TP53BP1: variants seen among roughly 807,000 people sequenced by gnomAD.
TP53BP1 encodes TP53-binding protein 1.
Under a neutral mutation model 200.8 loss-of-function variants are expected in TP53BP1, and 61 were observed. The ratio of observed to expected loss-of-function variants is 0.30; its 90% confidence interval spans 0.25 to 0.38. TP53BP1 has a LOEUF of 0.38. Among genes scored for constraint, TP53BP1 ranks in the 10% least tolerant of loss-of-function variants. TP53BP1 has a pLI of 1.00. For synonymous variants in TP53BP1, 822 were observed against 844.3 expected (o/e 0.97, Z 0.46); for missense variants, 2,144 against 2,371.9 (o/e 0.90, Z 2.00).
chr15:43,495,614 G>A (rs981394592), upstream of TP53BP1, among the ~76,000 whole-genome samples: 2 of 151,852 alleles, frequency 1.3e-5, no homozygotes, highest in African/African-American at 2.4e-5. Context: ...TCAGGAGATC[G>A]AGACCATCCT....
intron 5 of TP53BP1, among the ~76,000 whole-genome samples, chr15:43,480,458 A>C (rs2078947987): frequency 1.3e-5 from 2 of 152,210 alleles, no homozygotes; most frequent in Non-Finnish European, 2.9e-5. Context: ...AAAAAAATAA[A>C]AAATAAATTT....
In TP53BP1 at chr15:43,407,381, C is replaced by CT. The variant is rs760919974; in HGVS notation, c.*1dup. 1 of 1,613,906 alleles carries CT rather than the reference C, an allele frequency of 6.2e-7. No individual in the cohort carries two copies. Among genetic ancestry groups the CT allele is most frequent in the East Asian group, 2.2e-5 (1 of 44,884 alleles). ...GAATAAAACCAGTAAGACCAAGTATCTTTAGTGAGAAACATAATCGTGTTT... is the reference window on the plus strand; with the variant it reads ...GAATAAAACCAGTAAGACCAAGTATCTTTTAGTGAGAAACATAATCGTGTTT... On this transcript the variant is annotated 3_prime_UTR_variant, in exon 28 of 28. Transcript: ENST00000382044.
At chr15:43,498,365 A>C (rs1025574214) in intron 1 of TP53BP1, among the ~76,000 whole-genome samples, 3 of 152,254 alleles carry the variant, frequency 2.0e-5, no homozygotes, top group Non-Finnish European at 4.4e-5. Context: ...TATACCAGTA[A>C]GGGAACAAAA....
intron 23 of TP53BP1, among the ~76,000 whole-genome samples, chr15:43,415,014 C>G (rs1232428206): frequency 1.3e-5 from 2 of 151,794 alleles, no homozygotes; most frequent in Non-Finnish European, 2.9e-5. Flanking sequence ...AGCCATGTTT[C>G]AATAGGAAGT....
chr15:43,447,693 A>T (rs1209451475), intron 12 of TP53BP1, among the ~76,000 whole-genome samples: 1 of 152,090 alleles, frequency 6.6e-6, no homozygotes, highest in Non-Finnish European at 1.5e-5. Flanking sequence ...CACAGCCAAC[A>T]ACTATAGTAC....
chr15:43,426,769 T>G (rs901841259), intron 18 of TP53BP1, among the ~76,000 whole-genome samples: 1 of 151,576 alleles, frequency 6.6e-6, no homozygotes, highest in African/African-American at 2.4e-5. Context: ...TCCCAGCACT[T>G]TGGGAGGCCG....
intron 3 of TP53BP1, 67 bp from the exon 4 acceptor site, chr15:43,491,820 A>C: frequency 7.6e-7 from 1 of 1,309,952 alleles, no homozygotes; most frequent in Non-Finnish European, 1.1e-6. Flanking sequence ...AAAATCAGGA[A>C]TACAGACAAT....
chr15:43,469,049 AAG>A (rs1566953340), intron 11 of TP53BP1, among the ~76,000 whole-genome samples: 1 of 152,202 alleles, frequency 6.6e-6, no homozygotes, highest in Non-Finnish European at 1.5e-5. Flanking sequence ...TGCAAACTGA[AAG>A]GGGTAAAATA....
Position 43,407,103 on chromosome 15 carries a change from G to T in TP53BP1, c.*280C>A. On this transcript the variant is annotated 3_prime_UTR_variant, in exon 28 of 28. Coordinates refer to ENST00000382044, the MANE Select transcript of TP53BP1 (RefSeq NM_001141980.3). ...TCACTCTTAACTTTTCAATTTCCTT[G>T]GCCAGCTGTCCTCCGTAAGTGAATA... 1 of 333,220 alleles carries T rather than the reference G, an allele frequency of 3.0e-6. No individual in the cohort carries two copies. 20.6% of individuals were successfully genotyped at this position (333,220 alleles called of 1,614,324 possible).
chr15:43,415,771 C>T lies in TP53BP1; in HGVS notation c.4912G>A (p.Val1638Ile), dbSNP rs140309161. 16 of 1,614,074 alleles carry T rather than the reference C, an allele frequency of 9.9e-6. No homozygotes were observed. In the East Asian group the frequency reaches 3.1e-4, roughly 31 times the overall value. The change falls in exon 23 of 28, where the codon GTC becomes ATC. Residue 1638 changes from valine to isoleucine, a missense_variant. Val to Ile is a conservative substitution (Grantham distance 29). This residue lies in a region of TP53BP1 where 334 missense variants were observed against 453.4 expected (regional missense o/e 0.74). Coordinates refer to ENST00000382044, the MANE Select transcript of TP53BP1 (RefSeq NM_001141980.3). Reference protein sequence around the residue: ...VEGKRKRRSNVSSPATPTASS... With the variant: ...VEGKRKRRSNISSPATPTASS... ...GCAGTAGGGGTGGCTGGGGAGCTGA[C>T]GTTACTGCGCCGTTTCCGCTTCCCT...
At chr15:43,433,956 C>G (rs908151488) in intron 16 of TP53BP1, among the ~76,000 whole-genome samples, 4 of 152,166 alleles carry the variant, frequency 2.6e-5, no homozygotes, top group Non-Finnish European at 5.9e-5. Context: ...AGGGATTGCT[C>G]TGCTCTAGAT....
intron 26 of TP53BP1, 177 bp downstream of exon 26, chr15:43,408,706 AAAAGGTTCCTAGCC>A: frequency 1.7e-6 from 1 of 596,784 alleles, no homozygotes; most frequent in Non-Finnish European, 2.9e-6. Flanking sequence ...ACACATTTGC[AAAAGGTTCCTAGCC>A]AATGTAACCT....
At chr15:43,502,911 C>A (rs1253957267) in intron 1 of TP53BP1, among the ~76,000 whole-genome samples, 1 of 151,884 alleles carries the variant, frequency 6.6e-6, no homozygotes, top group Non-Finnish European at 1.5e-5. Context: ...CACCACCACC[C>A]CCAGCTAATT....
intron 1 of TP53BP1, among the ~76,000 whole-genome samples, chr15:43,509,556 C>T (rs2079259733): frequency 6.6e-6 from 1 of 152,074 alleles, no homozygotes; most frequent in South Asian, 2.1e-4. Flanking sequence ...TTATAGGCGC[C>T]CAACACCACG....
intron 12 of TP53BP1, among the ~76,000 whole-genome samples, chr15:43,453,012 G>A (rs2046206770): frequency 6.6e-6 from 1 of 151,844 alleles, no homozygotes; most frequent in African/African-American, 2.4e-5. Flanking sequence ...GGCTAACACG[G>A]TGAAACCCCG....
chr15:43,428,747 T>C (rs569565640), intron 17 of TP53BP1, among the ~76,000 whole-genome samples: 2 of 152,216 alleles, frequency 1.3e-5, no homozygotes, highest in East Asian at 1.9e-4. Flanking sequence ...GACTAAAGAG[T>C]TGAGCTAGTG....
chr15:43,500,355 C>T (rs1261411568), intron 1 of TP53BP1, among the ~76,000 whole-genome samples: 3 of 151,940 alleles, frequency 2.0e-5, no homozygotes, highest in Non-Finnish European at 2.9e-5. Flanking sequence ...ATATAATACA[C>T]CTTCAACAAT....
Position 43,404,750 on chromosome 15 carries a change from T to A in TP53BP1, c.*2633A>T. ...AGAAGTCATCATCATCATAAAATAC[T>A]AAAAAACCTGACAGTGAGATAGGTG... On this transcript the variant is annotated 3_prime_UTR_variant, in exon 28 of 28. Transcript: ENST00000382044. 1 of 626,444 alleles carries A rather than the reference T, an allele frequency of 1.6e-6. No individual in the cohort carries two copies. The highest frequency in any genetic ancestry group is 2.7e-6 in the Non-Finnish European group (1 of 377,082). The allele number at this position is 626,444 out of a possible 1,614,324, so 38.8% of individuals were successfully genotyped here. A position where few individuals can be genotyped will look rare whatever the true frequency, so the allele number is the denominator to read the frequency against.
intron 12 of TP53BP1, among the ~76,000 whole-genome samples, chr15:43,453,765 G>A (rs770377582): frequency 2.0e-5 from 3 of 151,674 alleles, no homozygotes; most frequent in African/African-American, 7.3e-5. Flanking sequence ...GGCTGGTCTC[G>A]AACTCCTGAT....
Sources: gnomAD v4.1 joint callset for allele counts (sites outside exome capture counted in the v4.1 genomes callset) on GRCh38, gnomAD v4.1.1 for gene constraint, gnomAD v4.1.1 regional missense constraint, MANE v1.5 for transcripts, NCBI Gene and HGNC (gene_info 2026-07-23, HGNC 2026-07-21) for gene names.